The following SLC35F1 variants were observed in gnomAD, a reference collection of about 807,000 sequenced individuals.
The protein encoded by SLC35F1 is chromosome 6 open reading frame 169.
SLC35F1 carries 14 observed loss-of-function variants against 48.7 expected under a neutral mutation model. The ratio of observed to expected loss-of-function variants is 0.29; its 90% CI spans 0.19 to 0.45. SLC35F1 has a LOEUF of 0.45. Ranked by LOEUF, SLC35F1 falls within the 20% of genes least tolerant of loss-of-function variation. SLC35F1 has a pLI of 1.00. For synonymous variants in SLC35F1, 190 were observed against 202.2 expected, an observed-to-expected ratio of 0.94 and a Z score of 0.51; for missense variants, 404 against 500.0, an observed-to-expected ratio of 0.81 and a Z score of 1.83.
chr6:118,296,911 G>T (rs918915922), intron 7 of SLC35F1, among the ~76,000 whole-genome samples: 1 of 152,168 alleles, frequency 6.6e-6, no homozygotes, highest in African/African-American at 2.4e-5. Flanking sequence ...CAGCAGACCT[G>T]TGTGGATCCG....
At position 118,244,317 on chromosome 6, in the gene SLC35F1, A is replaced by G. The variant is rs974682748; in HGVS notation, c.477+8681A>G. ...AAGAATTCAAGGGCAAGCCAGAGGTAGAAGAAAATGGCTTTATTGAAGCAG... is the reference window on the plus strand; with the variant it reads ...AAGAATTCAAGGGCAAGCCAGAGGTGGAAGAAAATGGCTTTATTGAAGCAG... On this transcript the variant is annotated intron_variant, in intron 3 of 7. Coordinates refer to ENST00000360388, the MANE Select transcript of SLC35F1 (RefSeq NM_001029858.4). Among the ~76,000 whole-genome samples the G allele has an allele frequency of 4.7e-4, 71 of 152,274 alleles. 1 individual carries two copies. Among genetic ancestry groups the G allele is most frequent in the Admixed American group, 4.5e-3 (69 of 15,286 alleles).
At chr6:118,046,105 A>C (rs1772296129) in intron 1 of SLC35F1, among the ~76,000 whole-genome samples, 1 of 152,212 alleles carries the variant, frequency 6.6e-6, no homozygotes, top group Admixed American at 6.6e-5. Context: ...AAAATAATGC[A>C]AGGATCTAGG....
At position 118,194,100 on chromosome 6, in the gene SLC35F1, G is replaced by A. The variant is rs545199560; in HGVS notation, c.349+39480G>A. Among the ~76,000 whole-genome samples, 8 of 152,056 alleles carry A rather than the reference G, an allele frequency of 5.3e-5. No homozygotes were observed. The South Asian group carries it at 8.3e-4, about 16-fold the overall frequency. On this transcript the variant is annotated intron_variant, in intron 2 of 7. Coordinates refer to ENST00000360388, the MANE Select transcript of SLC35F1 (RefSeq NM_001029858.4). ...CAACATATATATAACTACACAGACAGACAGAAGAAGATCCAATAGTTGTTA... is the reference window on the plus strand; with the variant it reads ...CAACATATATATAACTACACAGACAAACAGAAGAAGATCCAATAGTTGTTA...
At chr6:118,072,547 G>A (rs1306735752) in intron 1 of SLC35F1, among the ~76,000 whole-genome samples, 4 of 152,034 alleles carry the variant, frequency 2.6e-5, no homozygotes, top group African/African-American at 9.7e-5. Flanking sequence ...CTGGGCGACA[G>A]AGTGAGATTC....
chr6:117,923,594 TATGTGTATATATACATATAC>T lies in SLC35F1; in HGVS notation c.173+15698_173+15717del, dbSNP rs1201411248. Reference sequence around the variant, plus strand: ...ATACATATGTGTGTGTATATATACATATGTGTATATATACATATACATATGTATATATACATATATGTACA... The same window carrying T: ...ATACATATGTGTGTGTATATATACATATATGTATATATACATATATGTACA... On this transcript the variant is annotated intron_variant, in intron 1 of 7. Coordinates refer to ENST00000360388, the MANE Select transcript of SLC35F1 (RefSeq NM_001029858.4). Among the ~76,000 whole-genome samples the T allele has an allele frequency of 2.1e-3, 70 of 32,724 alleles. 1 individual carries two copies. The highest frequency in any genetic ancestry group is 3.6e-3 in the African/African-American group (41 of 11,492). The allele number at this position is 32,724 out of a possible 152,430, so 21.5% of individuals were successfully genotyped here.
chr6:117,999,519 A>C, intron 1 of SLC35F1: 4 of 1,010,956 alleles, frequency 4.0e-6, no homozygotes. Flanking sequence ...TATCATCTGC[A>C]TGGGGCTGGG....
chr6:118,214,678 G>A (rs1487583553), intron 2 of SLC35F1, among the ~76,000 whole-genome samples: 2 of 152,134 alleles, frequency 1.3e-5, no homozygotes, highest in Non-Finnish European at 2.9e-5. Flanking sequence ...TCCATTGTCA[G>A]CTCTGGGTCC....
intron 1 of SLC35F1, among the ~76,000 whole-genome samples, chr6:118,034,393 A>G (rs530399280): frequency 5.9e-5 from 9 of 152,120 alleles, no homozygotes; most frequent in Admixed American, 2.6e-4. Flanking sequence ...TCCCGTCTCT[A>G]CTGAAAATAC....
chr6:118,284,215 C>T (rs147912820), intron 6 of SLC35F1, among the ~76,000 whole-genome samples: 320 of 152,276 alleles, frequency 2.1e-3, no homozygotes, highest in Non-Finnish European at 3.6e-3. Flanking sequence ...GCCCACAGCC[C>T]ACACCAGATA....
intron 1 of SLC35F1, among the ~76,000 whole-genome samples, chr6:118,026,866 G>T (rs1190432221): frequency 6.6e-5 from 10 of 152,116 alleles, no homozygotes; most frequent in Non-Finnish European, 1.2e-4. Context: ...TAGGTGTAAA[G>T]TTCAGTGAGT....
chr6:117,993,607 TC>T (rs1235472127), intron 1 of SLC35F1, among the ~76,000 whole-genome samples: 2 of 152,110 alleles, frequency 1.3e-5, no homozygotes, highest in African/African-American at 4.8e-5. Flanking sequence ...TTTTCTGTAT[TC>T]CCCGAGAACA....
intron 2 of SLC35F1, among the ~76,000 whole-genome samples, chr6:118,209,828 C>T (rs971646880): frequency 6.6e-6 from 1 of 152,060 alleles, no homozygotes; most frequent in African/African-American, 2.4e-5. Flanking sequence ...AATGTCCTAT[C>T]CAAGTTTTCA....
intron 1 of SLC35F1, among the ~76,000 whole-genome samples, chr6:117,985,863 A>G (rs1251032270): frequency 6.6e-6 from 1 of 152,230 alleles, no homozygotes; most frequent in African/African-American, 2.4e-5. Context: ...TTGTTTGCAA[A>G]TAACAGAAAA....
At chr6:117,959,761 CAT>C (rs1776471026) in intron 1 of SLC35F1, among the ~76,000 whole-genome samples, 1 of 152,088 alleles carries the variant, frequency 6.6e-6, no homozygotes, top group African/African-American at 2.4e-5. Context: ...TAATACCTGA[CAT>C]ATATAAATGC....
At chr6:118,125,014 GCAGCT>G (rs1322721731) in intron 1 of SLC35F1, among the ~76,000 whole-genome samples, 1 of 152,118 alleles carries the variant, frequency 6.6e-6, no homozygotes, top group Non-Finnish European at 1.5e-5. Flanking sequence ...AGGATATCCT[GCAGCT>G]CAGCTTCTAA....
chr6:118,138,751 G>A (rs1258487185), intron 1 of SLC35F1, among the ~76,000 whole-genome samples: 1 of 151,890 alleles, frequency 6.6e-6, no homozygotes, highest in African/African-American at 2.4e-5. Flanking sequence ...TGACCCTGCA[G>A]TATTATATCC....
intron 1 of SLC35F1, among the ~76,000 whole-genome samples, chr6:118,053,242 C>T (rs1772416061): frequency 6.6e-6 from 1 of 152,132 alleles, no homozygotes; most frequent in Non-Finnish European, 1.5e-5. Flanking sequence ...GGATGTGTTA[C>T]TTTGCTGCTT....
At chr6:118,278,313 C>T (rs1775942501) in intron 6 of SLC35F1, among the ~76,000 whole-genome samples, 1 of 152,162 alleles carries the variant, frequency 6.6e-6, no homozygotes, top group African/African-American at 2.4e-5. Context: ...ATGTAAGTGG[C>T]AGGGAGGGGG....
At chr6:118,066,791 G>A (rs186148912) in intron 1 of SLC35F1, among the ~76,000 whole-genome samples, 10 of 149,394 alleles carry the variant, frequency 6.7e-5, no homozygotes, top group Non-Finnish European at 1.2e-4. Context: ...TGTCACCCAG[G>A]CTGGAATGCA....
Sources: gnomAD v4.1 joint callset for allele counts (sites outside exome capture counted in the v4.1 genomes callset) on GRCh38, gnomAD v4.1.1 for gene constraint, MANE v1.5 for transcripts, NCBI Gene and HGNC (gene_info 2026-07-23, HGNC 2026-07-21) for gene names.